Variants in VMP1 observed in about 807,000 individuals in gnomAD.
VMP1 encodes ectopic P-granules autophagy protein 3 homolog.
A neutral mutation model predicts 56.0 loss-of-function variants in VMP1; 11 were observed. That is an observed-to-expected ratio of 0.20 (90% CI 0.12 to 0.32). The LOEUF (loss-of-function observed/expected upper bound fraction) is 0.32, where lower values mean the gene tolerates loss of function less well. Among genes scored for constraint, VMP1 ranks in the 10% least tolerant of loss-of-function variants. The pLI is 1.00. For synonymous variants in VMP1, 149 were observed against 165.0 expected (o/e 0.90, Z 0.74); for missense variants, 296 against 490.3 (o/e 0.60, Z 3.74).
In VMP1 at chr17:59,750,729, A is replaced by G. The variant is rs537887974; in HGVS notation, c.414+11782A>G. 2.0e-5 allele frequency among the ~76,000 whole-genome samples: 3 copies of G among 152,274 alleles called. No individual in the cohort carries two copies. In the East Asian group the frequency reaches 5.8e-4, roughly 29 times the overall value. ...ATTAAATAAATTAGAAATTAATAGCATTTGTAAACTGCATTTCCTCTGTTT... is the reference window on the plus strand; with the variant it reads ...ATTAAATAAATTAGAAATTAATAGCGTTTGTAAACTGCATTTCCTCTGTTT... On this transcript the variant is annotated intron_variant, in intron 5 of 11. Transcript: ENST00000262291.
intron 7 of VMP1, among the ~76,000 whole-genome samples, chr17:59,779,844 T>C (rs2036757379): frequency 6.6e-6 from 1 of 152,204 alleles, no homozygotes; most frequent in Non-Finnish European, 1.5e-5. Context: ...GGTTTTGATT[T>C]TGGAATTTTA....
Position 59,840,139 on chromosome 17 carries a change from A to G in VMP1, c.*228A>G. The G allele has an allele frequency of 2.0e-6, 1 of 495,486 alleles. No individual in the cohort carries two copies. Among genetic ancestry groups the G allele is most frequent in the Non-Finnish European group, 3.5e-6 (1 of 287,274 alleles). 30.7% of individuals were successfully genotyped at this position (495,486 alleles called of 1,614,324 possible). ...CCACCTTGTGTTTTCTTAGGGTGGA[A>G]TGTGATGTTCAGCAGCAAACTTGCA... is the stretch of plus-strand genomic sequence containing the variant. On this transcript the variant is annotated 3_prime_UTR_variant, in exon 12 of 12. Coordinates refer to ENST00000262291, the MANE Select transcript of VMP1 (RefSeq NM_030938.5).
chr17:59,786,670 G>C (rs2037017513), intron 7 of VMP1, among the ~76,000 whole-genome samples: 2 of 152,126 alleles, frequency 1.3e-5, no homozygotes, highest in Non-Finnish European at 2.9e-5. Flanking sequence ...GTTTGAGCAG[G>C]AGTGAGTCAC....
chr17:59,730,801 A>T (rs2034794129), intron 1 of VMP1, among the ~76,000 whole-genome samples: 1 of 152,106 alleles, frequency 6.6e-6, no homozygotes, highest in Admixed American at 6.5e-5. Context: ...GAAGCATGTT[A>T]TAAATAAAGT....
At chr17:59,814,336 C>A (rs2038156544) in intron 9 of VMP1, among the ~76,000 whole-genome samples, 2 of 152,018 alleles carry the variant, frequency 1.3e-5, no homozygotes, top group South Asian at 2.1e-4. Context: ...TGATTTAATT[C>A]TTATAATCCT....
chr17:59,824,434 G>GT (rs1410697003), intron 10 of VMP1, among the ~76,000 whole-genome samples: 2 of 149,550 alleles, frequency 1.3e-5, no homozygotes, highest in Non-Finnish European at 3.0e-5. Flanking sequence ...TTAGCCGGGC[G>GT]TGGGGGTGGG....
chr17:59,835,155 G>A (rs983770249), intron 10 of VMP1, among the ~76,000 whole-genome samples: 1 of 150,854 alleles, frequency 6.6e-6, no homozygotes, highest in African/African-American at 2.4e-5. Context: ...TTGAGACGGA[G>A]TCTCACTCTG....
chr17:59,817,134 A>G (rs2038267369), intron 9 of VMP1, among the ~76,000 whole-genome samples: 2 of 148,966 alleles, frequency 1.3e-5, no homozygotes, highest in Admixed American at 6.7e-5. Context: ...TTAGCTGGGC[A>G]TGGTAGCGCA....
At chr17:59,777,778 C>T (rs987003958) in intron 7 of VMP1, among the ~76,000 whole-genome samples, 5 of 152,056 alleles carry the variant, frequency 3.3e-5, no homozygotes, top group African/African-American at 9.7e-5. Flanking sequence ...CATGCCACTG[C>T]ACTCCAGCCT....
At chr17:59,821,084 C>A (rs1316780833) in intron 10 of VMP1, among the ~76,000 whole-genome samples, 1 of 151,226 alleles carries the variant, frequency 6.6e-6, no homozygotes, top group Non-Finnish European at 1.5e-5. Context: ...CATTCTCCTG[C>A]CTCAGCCCCC....
intron 1 of VMP1, among the ~76,000 whole-genome samples, chr17:59,719,441 C>G (rs2143736768): frequency 6.6e-6 from 1 of 152,036 alleles, no homozygotes; most frequent in Admixed American, 6.5e-5. Context: ...ATTGAGCACA[C>G]TGACATAATT....
At chr17:59,752,128 A>C (rs1598340076) in intron 5 of VMP1, among the ~76,000 whole-genome samples, 1 of 152,346 alleles carries the variant, frequency 6.6e-6, no homozygotes, top group Non-Finnish European at 1.5e-5. Context: ...TTTTCTGTAA[A>C]GGATCAGATC....
intron 2 of VMP1, among the ~76,000 whole-genome samples, chr17:59,734,334 A>G (rs2034939483): frequency 6.6e-6 from 1 of 152,210 alleles, no homozygotes; most frequent in South Asian, 2.1e-4. Flanking sequence ...TAATGGGGTA[A>G]CATATACAAC....
chr17:59,735,607 A>T (rs369485470), intron 3 of VMP1, 134 bp downstream of exon 3: 2 of 936,128 alleles, frequency 2.1e-6, no homozygotes, highest in Non-Finnish European at 3.1e-6. Context: ...CCATAGGAAC[A>T]TATTTATTCT....
intron 6 of VMP1, among the ~76,000 whole-genome samples, chr17:59,768,607 A>T (rs910017196): frequency 6.6e-6 from 1 of 151,128 alleles, no homozygotes; most frequent in Non-Finnish European, 1.5e-5. Context: ...CATCTCAAAG[A>T]AAAAAAAACA....
intron 1 of VMP1, among the ~76,000 whole-genome samples, chr17:59,716,289 A>G (rs534300005): frequency 5.3e-5 from 8 of 152,320 alleles, no homozygotes; most frequent in Admixed American, 3.9e-4. Context: ...TGCCCCAGGT[A>G]TTTAGGGACA....
chr17:59,791,257 C>T (rs995611832), intron 7 of VMP1, among the ~76,000 whole-genome samples: 10 of 149,346 alleles, frequency 6.7e-5, no homozygotes, highest in East Asian at 4.0e-4. Flanking sequence ...GGCACAATCT[C>T]GGCTGACTGC....
At chr17:59,728,210 A>G (rs1159627955) in intron 1 of VMP1, among the ~76,000 whole-genome samples, 1 of 152,190 alleles carries the variant, frequency 6.6e-6, no homozygotes, top group Non-Finnish European at 1.5e-5. Context: ...TAGTTACAAT[A>G]GTTAGAGTTT....
At chr17:59,785,471 A>T (rs1422824376) in intron 7 of VMP1, among the ~76,000 whole-genome samples, 1 of 152,144 alleles carries the variant, frequency 6.6e-6, no homozygotes, top group African/African-American at 2.4e-5. Flanking sequence ...GTCAGGGGCT[A>T]AAGACCAGCC....
Sources: allele counts gnomAD v4.1 joint callset (sites outside exome capture counted in the v4.1 genomes callset), GRCh38; gene constraint gnomAD v4.1.1; transcripts MANE v1.5; gene names NCBI Gene and HGNC (gene_info 2026-07-23, HGNC 2026-07-21).